The following PTPN3 variants were observed in gnomAD, a reference collection of about 807,000 sequenced individuals.
The protein encoded by PTPN3 is protein tyrosine phosphatase non-receptor type 3, also known as tyrosine-protein phosphatase non-receptor type 3.
Under a neutral mutation model 132.7 loss-of-function variants are expected in PTPN3, and 96 were observed. That is an observed-to-expected ratio of 0.72 (90% confidence interval 0.61 to 0.86). The LOEUF is 0.86. Among genes scored for constraint, PTPN3 ranks in the 40% least tolerant of loss-of-function variants. The probability of loss-of-function intolerance (pLI) is 0.00; values close to 1 mark genes in which losing one functional copy is unlikely to be tolerated. For missense variants in PTPN3, 1,125 were observed against 1,159.6 expected, an observed-to-expected ratio of 0.97 and a Z score of 0.43; for synonymous variants, 398 against 429.0, an observed-to-expected ratio of 0.93 and a Z score of 0.89.
chr9:109,494,464 T>C (rs1847594380), intron 1 of PTPN3, among the ~76,000 whole-genome samples: 1 of 152,158 alleles, frequency 6.6e-6, no homozygotes, highest in African/African-American at 2.4e-5. Context: ...AGGTTGGACT[T>C]GGAGAAGAAT....
chr9:109,410,173 C>A (rs1841964366), intron 15 of PTPN3, 56 bp downstream of exon 15: 1 of 1,611,124 alleles, frequency 6.2e-7, no homozygotes, highest in Non-Finnish European at 8.5e-7. Flanking sequence ...CAGCTGCCCA[C>A]AAGAGGCCGG....
chr9:109,436,866 A>G lies in PTPN3; in HGVS notation c.675+17T>C, dbSNP rs4978809. 0.24 allele frequency: 384,171 copies of G among 1,603,780 alleles called. 48,175 individuals are homozygous for G. The highest frequency in any genetic ancestry group is 0.37 in the Admixed American group (21,124 of 57,710). On this transcript the variant is annotated intron_variant, in intron 9 of 25. Transcript: ENST00000374541. ...AAAAACATAATGTTTGAGCCAAGAC[A>G]TAACAAGAATACATACCCTACCACT...
At chr9:109,478,594 G>A (rs186462819) in intron 1 of PTPN3, among the ~76,000 whole-genome samples, 1 of 152,368 alleles carries the variant, frequency 6.6e-6, no homozygotes, top group East Asian at 1.9e-4. Context: ...AAGGAGGAAC[G>A]AGATGACAGA....
At position 109,378,662 on chromosome 9, in the gene PTPN3, A is replaced by G. The variant is rs534082797; in HGVS notation, c.*894T>C. 1 of 152,600 alleles carries G rather than the reference A, an allele frequency of 6.6e-6. No individual in the cohort carries two copies. Among genetic ancestry groups the G allele is most frequent in the South Asian group, 2.1e-4 (1 of 4,826 alleles). The allele number at this position is 152,600 out of a possible 1,614,324, so 9.5% of individuals were successfully genotyped here. On this transcript the variant is annotated 3_prime_UTR_variant, in exon 26 of 26. Transcript: ENST00000374541. ...CAAACATTCGGAATATTTAGATGACACTGTCCCATCTCCCCTTGGGAAAAT... is the reference window on the plus strand; with the variant it reads ...CAAACATTCGGAATATTTAGATGACGCTGTCCCATCTCCCCTTGGGAAAAT...
At chr9:109,492,495 G>A (rs1847507992) in intron 1 of PTPN3, among the ~76,000 whole-genome samples, 1 of 152,146 alleles carries the variant, frequency 6.6e-6, no homozygotes, top group Non-Finnish European at 1.5e-5. Context: ...GGAGGGTCAG[G>A]GGTCTGACCA....
At chr9:109,469,489 C>T (rs952679677) in intron 1 of PTPN3, among the ~76,000 whole-genome samples, 1 of 152,180 alleles carries the variant, frequency 6.6e-6, no homozygotes, top group East Asian at 1.9e-4. Flanking sequence ...TGTGGTGGGG[C>T]ACGCCTGTTA....
chr9:109,518,504 C>T, the PTPN3 span, among the ~76,000 whole-genome samples: 1 of 152,156 alleles, frequency 6.6e-6, no homozygotes, highest in African/African-American at 2.4e-5. Flanking sequence ...GTGACCCAGC[C>T]TCTAGGTGAT....
At chr9:109,428,990 G>A in intron 10 of PTPN3, 4 of 985,444 alleles carry the variant, frequency 4.1e-6, no homozygotes, top group Non-Finnish European at 4.8e-6. Flanking sequence ...CTCTGCGTGA[G>A]CTGGTATATA....
chr9:109,409,505 C>T (rs1841897741), intron 16 of PTPN3, among the ~76,000 whole-genome samples: 1 of 152,136 alleles, frequency 6.6e-6, no homozygotes, highest in South Asian at 2.1e-4. Flanking sequence ...TGGCCTTCGG[C>T]AGCTGTTAAG....
At chr9:109,534,025 C>T in the PTPN3 span, 1 of 769,028 alleles carries the variant, frequency 1.3e-6, no homozygotes, top group South Asian at 1.4e-5. Context: ...CATTTCTACA[C>T]TGCGAAGGTA....
At chr9:109,517,121 G>A in the PTPN3 span, among the ~76,000 whole-genome samples, 1 of 152,154 alleles carries the variant, frequency 6.6e-6, no homozygotes, top group South Asian at 2.1e-4. Context: ...GCTGGTGCTT[G>A]CAGAGGCACT....
chr9:109,396,841 C>T (rs1221178308), intron 19 of PTPN3, among the ~76,000 whole-genome samples: 1 of 152,164 alleles, frequency 6.6e-6, no homozygotes, highest in African/African-American at 2.4e-5. Context: ...AAGTCACCTA[C>T]TATAATATTA....
chr9:109,475,793 C>T (rs1215307074), intron 1 of PTPN3, among the ~76,000 whole-genome samples: 3 of 152,178 alleles, frequency 2.0e-5, no homozygotes, highest in African/African-American at 7.2e-5. Flanking sequence ...GTGCTAATCA[C>T]AGTGCATACC....
chr9:109,444,613 A>T (rs1280773664), intron 7 of PTPN3, among the ~76,000 whole-genome samples: 1 of 152,234 alleles, frequency 6.6e-6, no homozygotes, highest in Non-Finnish European at 1.5e-5. Context: ...TATTGCATTA[A>T]ATAAAACATA....
chr9:109,439,164 C>T (rs2040742911), intron 7 of PTPN3, among the ~76,000 whole-genome samples: 1 of 152,086 alleles, frequency 6.6e-6, no homozygotes, highest in Non-Finnish European at 1.5e-5. Context: ...GGTGTCTGGA[C>T]CATTGAGGAA....
chr9:109,499,779 G>GGTGCCGCCC (rs1386126301), upstream of PTPN3, among the ~76,000 whole-genome samples: 1 of 152,208 alleles, frequency 6.6e-6, no homozygotes, highest in Non-Finnish European at 1.5e-5. Context: ...CGCTGCAGCG[G>GGTGCCGCCC]GTGCCGCCCG....
intron 1 of PTPN3, among the ~76,000 whole-genome samples, chr9:109,466,642 C>T (rs972291380): frequency 2.0e-5 from 3 of 152,202 alleles, no homozygotes; most frequent in Non-Finnish European, 4.4e-5. Context: ...CAAGAGTCTG[C>T]ATCTTGTCTC....
At chr9:109,449,645 C>T in intron 5 of PTPN3, 1 of 985,446 alleles carries the variant, frequency 1.0e-6, no homozygotes, top group Non-Finnish European at 1.2e-6. Context: ...ATGCGGCATA[C>T]ATGTGACACT....
intron 1 of PTPN3, among the ~76,000 whole-genome samples, chr9:109,492,510 G>A (rs2132125634): frequency 6.6e-6 from 1 of 152,318 alleles, no homozygotes; most frequent in African/African-American, 2.4e-5. Context: ...TGACCACAAA[G>A]TGAGGGACCC....
Sources: allele counts gnomAD v4.1 joint callset (sites outside exome capture counted in the v4.1 genomes callset), GRCh38; gene constraint gnomAD v4.1.1; transcripts MANE v1.5; gene names NCBI Gene and HGNC (gene_info 2026-07-23, HGNC 2026-07-21).